SIDT1: variants seen among roughly 807,000 people sequenced by gnomAD.
SIDT1 encodes the protein SID1 transmembrane family, member 1.
In SIDT1, 101 loss-of-function variants were observed where a neutral mutation model predicts 107.5. That is an observed-to-expected ratio of 0.94 (90% CI 0.80 to 1.11). SIDT1 has a LOEUF of 1.11. Among genes scored for constraint, SIDT1 ranks in the 50% least tolerant of loss-of-function variants. The pLI, the probability that SIDT1 is intolerant of heterozygous loss-of-function variation, is 0.00. For synonymous variants in SIDT1, 395 were observed against 398.2 expected (o/e 0.99, Z 0.10); for missense variants, 1,076 against 1,058.2 (o/e 1.02, Z -0.23).
intron 1 of SIDT1, among the ~76,000 whole-genome samples, chr3:113,564,307 A>G (rs558852452): frequency 3.3e-5 from 5 of 152,374 alleles, no homozygotes; most frequent in African/African-American, 1.2e-4. Flanking sequence ...ATGAAATAAA[A>G]TACATTTGTT....
intron 3 of SIDT1, among the ~76,000 whole-genome samples, chr3:113,570,048 G>A (rs1351552866): frequency 6.6e-6 from 1 of 152,134 alleles, no homozygotes; most frequent in Non-Finnish European, 1.5e-5. Flanking sequence ...TGGGATTACA[G>A]GTGTGTGCCA....
chr3:113,620,222 G>A (rs982397650), intron 21 of SIDT1, among the ~76,000 whole-genome samples: 1 of 151,602 alleles, frequency 6.6e-6, no homozygotes, highest in African/African-American at 2.4e-5. Flanking sequence ...GTGTGTGTGT[G>A]TGCAAGTCCC....
Position 113,533,012 on chromosome 3 carries a change from G to A in SIDT1, c.-10G>A, listed in dbSNP as rs980800689. The A allele has an allele frequency of 7.4e-7, 1 of 1,350,462 alleles. No homozygotes were observed. The highest frequency in any genetic ancestry group is 9.5e-7 in the Non-Finnish European group (1 of 1,055,008). The allele number at this position is 1,350,462 out of a possible 1,614,324, so 83.7% of individuals were successfully genotyped here. On this transcript the variant is annotated 5_prime_UTR_variant, in exon 1 of 25. Coordinates refer to ENST00000264852, the MANE Select transcript of SIDT1 (RefSeq NM_017699.3). ...TGGCTCCGCTTTCGAGCCCGGGCGC[G>A]GTGCCCACCATGCGCGGCTGCCTGC...
At chr3:113,534,234 C>A in intron 1 of SIDT1, among the ~76,000 whole-genome samples, 1 of 117,868 alleles carries the variant, frequency 8.5e-6, no homozygotes, top group East Asian at 2.5e-4. Flanking sequence ...GATTGGGATA[C>A]CATGATATGC....
intron 5 of SIDT1, 74 bp downstream of exon 5, chr3:113,580,783 G>A: frequency 1.1e-6 from 1 of 945,032 alleles, no homozygotes; most frequent in South Asian, 1.3e-5. Context: ...AGAGAAGGGT[G>A]GAAGCATGCC....
intron 1 of SIDT1, among the ~76,000 whole-genome samples, chr3:113,539,432 C>T (rs1036986918): frequency 1.3e-5 from 2 of 152,122 alleles, no homozygotes; most frequent in African/African-American, 4.8e-5. Flanking sequence ...GCAGGAAGGT[C>T]CAAGTCTATT....
intron 23 of SIDT1, 67 bp downstream of exon 23, chr3:113,623,800 C>A: frequency 1.9e-6 from 2 of 1,026,172 alleles, no homozygotes; most frequent in Non-Finnish European, 3.1e-6. Context: ...GCCTTTCTAC[C>A]TCCCTCTCTT....
chr3:113,540,851 G>A (rs374280365), intron 1 of SIDT1, among the ~76,000 whole-genome samples: 5 of 151,332 alleles, frequency 3.3e-5, no homozygotes, highest in African/African-American at 9.7e-5. Context: ...CCCTATTTTT[G>A]TCTATTGTCT....
intron 1 of SIDT1, among the ~76,000 whole-genome samples, chr3:113,533,665 T>C (rs1208312919): frequency 9.9e-5 from 15 of 152,242 alleles, no homozygotes; most frequent in Non-Finnish European, 1.9e-4. Flanking sequence ...CAGACCCTTC[T>C]ATTTCATAGC....
intron 1 of SIDT1, among the ~76,000 whole-genome samples, chr3:113,535,575 A>G (rs1382793816): frequency 6.6e-6 from 1 of 152,196 alleles, no homozygotes; most frequent in Non-Finnish European, 1.5e-5. Flanking sequence ...TTTTGAAAAT[A>G]TTTTTGAATG....
At chr3:113,580,563 C>T (rs1354829318) in intron 4 of SIDT1, 45 bp from the exon 5 acceptor site, 3 of 1,214,528 alleles carry the variant, frequency 2.5e-6, no homozygotes, top group African/African-American at 3.0e-5. Flanking sequence ...GAAACAATCC[C>T]ATTCATGTAA....
At position 113,621,138 on chromosome 3, in the gene SIDT1, T is replaced by C. The variant is rs200602343; in HGVS notation, c.2090+1412T>C. Among the ~76,000 whole-genome samples the C allele has an allele frequency of 4.6e-5, 7 of 152,192 alleles. No individual in the cohort carries two copies. The East Asian group carries it at 1.3e-3, about 29-fold the overall frequency. On this transcript the variant is annotated intron_variant, in intron 21 of 24. Transcript: ENST00000264852. ...CCTGAGTTATATATAGGCATAGAGA[T>C]GTATGTACATACATATGCATATAGA...
chr3:113,571,633 A>G (rs72950888), intron 3 of SIDT1, among the ~76,000 whole-genome samples: 44,650 of 152,192 alleles, frequency 0.29, 7,310 homozygotes, highest in East Asian at 0.59. Context: ...TGATCATGGC[A>G]TAGGAGGATC....
rs1267514589 is a variant in SIDT1 at position 113,561,123 on chromosome 3, A to G, written c.223-5297A>G. 4.6e-5 allele frequency among the ~76,000 whole-genome samples: 7 copies of G among 152,344 alleles called. No individual in the cohort carries two copies. In the East Asian group the frequency reaches 5.8e-4, roughly 13 times the overall value. ...TGTCAGGGCCCATTAAGCATGGTCA[A>G]TACCCTGTCCTTCATTTAGTTTTGC... On this transcript the variant is annotated intron_variant, in intron 1 of 24. Coordinates refer to ENST00000264852, the MANE Select transcript of SIDT1 (RefSeq NM_017699.3).
chr3:113,604,762 G>A (rs956752564), intron 13 of SIDT1, 148 bp from the exon 14 acceptor site: 1 of 795,362 alleles, frequency 1.3e-6, no homozygotes, highest in Non-Finnish European at 2.1e-6. Flanking sequence ...AGGACAACTG[G>A]AGAAACAAGA....
chr3:113,560,149 G>A (rs1338779712), intron 1 of SIDT1, among the ~76,000 whole-genome samples: 1 of 152,142 alleles, frequency 6.6e-6, no homozygotes, highest in Non-Finnish European at 1.5e-5. Flanking sequence ...GTCTCCCTAA[G>A]CGCCTTCCCA....
At chr3:113,626,732 A>G (rs1204699055) in intron 24 of SIDT1, among the ~76,000 whole-genome samples, 2 of 151,938 alleles carry the variant, frequency 1.3e-5, no homozygotes, top group Non-Finnish European at 2.9e-5. Flanking sequence ...TTTTGCCCCA[A>G]CCCTTTCTCA....
chr3:113,593,861 T>C (rs1225246826), intron 10 of SIDT1, among the ~76,000 whole-genome samples: 1 of 152,230 alleles, frequency 6.6e-6, no homozygotes, highest in African/African-American at 2.4e-5. Flanking sequence ...AGTAATTGAC[T>C]ATCCAGCAAT....
At position 113,613,491 on chromosome 3, in the gene SIDT1, G is replaced by A. The variant is rs540250305; in HGVS notation, c.1966+1297G>A. ...GGCTTTAAGACTAGAAGACCAAATAGAGCAATTGCTCGTTTTCAAAGGTTA... is the reference window on the plus strand; with the variant it reads ...GGCTTTAAGACTAGAAGACCAAATAAAGCAATTGCTCGTTTTCAAAGGTTA... On this transcript the variant is annotated intron_variant, in intron 19 of 24. Coordinates refer to ENST00000264852, the MANE Select transcript of SIDT1 (RefSeq NM_017699.3). Among the ~76,000 whole-genome samples, 7 of 152,344 alleles carry A rather than the reference G, an allele frequency of 4.6e-5. No homozygotes were observed. In the East Asian group the frequency reaches 1.2e-3, roughly 25 times the overall value.
Sources: allele counts gnomAD v4.1 joint callset (sites outside exome capture counted in the v4.1 genomes callset), GRCh38; gene constraint gnomAD v4.1.1; transcripts MANE v1.5; gene names NCBI Gene and HGNC (gene_info 2026-07-23, HGNC 2026-07-21).